DNAH12: variants seen among roughly 807,000 people sequenced by gnomAD.
DNAH12 encodes the protein dynein axonemal heavy chain 12.
A neutral mutation model predicts 371.5 loss-of-function variants in DNAH12; 285 were observed. The observed-to-expected ratio is 0.77, with a 90% CI of 0.70 to 0.85. The LOEUF (loss-of-function observed/expected upper bound fraction) is 0.85. Among genes scored for constraint, DNAH12 ranks in the 40% least tolerant of loss-of-function variants. The pLI is 0.00. For missense variants in DNAH12, 3,611 were observed against 3,689.4 expected (o/e 0.98, Z 0.55); for synonymous variants, 1,200 against 1,213.0 (o/e 0.99, Z 0.22).
At chr3:57,542,156 G>T (rs1176457802) in intron 2 of DNAH12, among the ~76,000 whole-genome samples, 9 of 7,440 alleles carry the variant, frequency 1.2e-3, no homozygotes, top group Non-Finnish European at 9.1e-3. Flanking sequence ...CCACTAAACT[G>T]GGGGGGGGGG....
intron 55 of DNAH12, among the ~76,000 whole-genome samples, chr3:57,373,442 C>T (rs1011388759): frequency 4.8e-4 from 72 of 151,246 alleles, no homozygotes; most frequent in African/African-American, 1.6e-3. Flanking sequence ...CAGCCTCCTG[C>T]GTAGCTGGAT....
chr3:57,439,613 T>C (rs1226485208), intron 29 of DNAH12, among the ~76,000 whole-genome samples: 1 of 152,184 alleles, frequency 6.6e-6, no homozygotes, highest in Non-Finnish European at 1.5e-5. Flanking sequence ...ATCACCATTC[T>C]GGACACTGGC....
At chr3:57,510,262 A>C (rs1028961949) in intron 5 of DNAH12, among the ~76,000 whole-genome samples, 7 of 152,196 alleles carry the variant, frequency 4.6e-5, no homozygotes, top group African/African-American at 1.7e-4. Flanking sequence ...AAAAAAATAC[A>C]AAAAGTACCC....
chr3:57,523,991 T>C, intron 2 of DNAH12, 107 bp from the exon 3 acceptor site: 1 of 691,250 alleles, frequency 1.4e-6, no homozygotes, highest in Admixed American at 3.9e-5. Context: ...TATTCAAGAG[T>C]TATCTTACTG....
rs1016827703 is a variant in DNAH12 at position 57,297,079 on chromosome 3, GC to G, written c.11395-96del. On this transcript the variant is annotated intron_variant, in intron 70 of 73. Transcript: ENST00000495027. ...CCTGATTCTGGTTTTTGCTTATGTTGCCCACATTTTCCATCACGAGGCCCTC... is the reference window on the plus strand; with the variant it reads ...CCTGATTCTGGTTTTTGCTTATGTTGCCACATTTTCCATCACGAGGCCCTC... The G allele has an allele frequency of 3.5e-5, 50 of 1,424,306 alleles. No individual in the cohort carries two copies. The African/African-American group carries it at 6.9e-4, about 20-fold the overall frequency. 88.2% of individuals were successfully genotyped at this position (1,424,306 alleles called of 1,614,324 possible).
intron 43 of DNAH12, 39 bp downstream of exon 43, chr3:57,403,270 T>A: frequency 6.6e-7 from 1 of 1,510,336 alleles, no homozygotes; most frequent in South Asian, 1.3e-5. Flanking sequence ...AAGAATATAC[T>A]GTTTTCATTT....
At chr3:57,417,194 G>A (rs563092427) in intron 37 of DNAH12, among the ~76,000 whole-genome samples, 1 of 99,510 alleles carries the variant, frequency 1.0e-5, no homozygotes, top group South Asian at 2.7e-4. Context: ...AGGTTGTGGT[G>A]AGCTGAGATT....
Position 57,341,318 on chromosome 3 carries a change from G to T in DNAH12, c.9675-6378C>A, listed in dbSNP as rs548259110. 2.6e-5 allele frequency among the ~76,000 whole-genome samples: 4 copies of T among 151,006 alleles called. No homozygotes were observed. The South Asian group carries it at 8.4e-4, about 32-fold the overall frequency. ...GAAAGAAGGAAGTCAAATTGTCCCT[G>T]TTTGTGGATGACATGATTTTATATA... On this transcript the variant is annotated intron_variant, in intron 60 of 73. Transcript: ENST00000495027.
intron 60 of DNAH12, among the ~76,000 whole-genome samples, chr3:57,345,979 G>C (rs1433717205): frequency 6.6e-6 from 1 of 152,050 alleles, no homozygotes. Flanking sequence ...TAAGTGGACT[G>C]CTGCAGTTGA....
In DNAH12 at chr3:57,407,107, C is replaced by G. The variant is rs560204649; in HGVS notation, c.6277-1155G>C. 2.6e-5 allele frequency among the ~76,000 whole-genome samples: 4 copies of G among 152,080 alleles called. No individual in the cohort carries two copies. The East Asian group carries it at 7.8e-4, about 29-fold the overall frequency. ...AGAGACAGGGTTTCACCATGTTGGC[C>G]AGGATGGTCTCAATCTCTTGACCTT... On this transcript the variant is annotated intron_variant, in intron 40 of 73. Transcript: ENST00000495027.
Position 57,309,797 on chromosome 3 carries a change from A to ATCTT in DNAH12, c.10953_10954insAAGA (p.Ser3652LysfsTer13). On this transcript the variant is annotated frameshift_variant, in exon 68 of 74. Coordinates refer to ENST00000495027, the MANE Select transcript of DNAH12 (RefSeq NM_001366028.2). LOFTEE classifies it high-confidence loss of function. ...GTTTTTGTTTGTTGAAGATCCTTGG[A>ATCTT]GATGTCAACGTTTTCATGTAATCCA... 1 of 1,551,448 alleles carries ATCTT rather than the reference A, an allele frequency of 6.4e-7. No homozygotes were observed. Among genetic ancestry groups the ATCTT allele is most frequent in the South Asian group, 1.2e-5 (1 of 84,020 alleles).
Position 57,515,621 on chromosome 3 carries a change from T to A in DNAH12, c.280-4642A>T, listed in dbSNP as rs140348325. Among the ~76,000 whole-genome samples the A allele has an allele frequency of 2.6e-3, 394 of 151,834 alleles. 2 individuals carry two copies. Among genetic ancestry groups the A allele is most frequent in the African/African-American group, 8.6e-3 (357 of 41,452 alleles). ...CAAAACCCCATCTCTACAAAATAATTATTATTAATAATAATAATACATTAT... is the reference window on the plus strand; with the variant it reads ...CAAAACCCCATCTCTACAAAATAATAATTATTAATAATAATAATACATTAT... On this transcript the variant is annotated intron_variant, in intron 4 of 73. Coordinates refer to ENST00000495027, the MANE Select transcript of DNAH12 (RefSeq NM_001366028.2).
At chr3:57,547,424 C>G (rs2069588920), upstream of DNAH12, among the ~76,000 whole-genome samples, 1 of 151,878 alleles carries the variant, frequency 6.6e-6, no homozygotes, top group Non-Finnish European at 1.5e-5. Context: ...TCTAGATGTG[C>G]TAGGATTACA....
chr3:57,370,426 A>G (rs1182336981), intron 55 of DNAH12, among the ~76,000 whole-genome samples: 2 of 152,238 alleles, frequency 1.3e-5, no homozygotes, highest in Non-Finnish European at 2.9e-5. Context: ...CAAGGCATTG[A>G]GAGGTCAAAT....
chr3:57,324,643 C>T (rs997351064), intron 62 of DNAH12, among the ~76,000 whole-genome samples: 16 of 152,122 alleles, frequency 1.1e-4, no homozygotes, highest in African/African-American at 1.9e-4. Flanking sequence ...GCGTGAGCCA[C>T]GCAGAAGAGG....
chr3:57,402,522 T>C (rs2063902241), intron 43 of DNAH12: 3 of 994,534 alleles, frequency 3.0e-6, no homozygotes, highest in Admixed American at 5.0e-5. Context: ...AACCATTTAT[T>C]TATCTGAAAT....
intron 13 of DNAH12, among the ~76,000 whole-genome samples, chr3:57,473,373 G>A (rs1006722413): frequency 6.6e-6 from 1 of 152,054 alleles, no homozygotes; most frequent in Non-Finnish European, 1.5e-5. Flanking sequence ...TGTAGTCCCA[G>A]CTACTTGGAG....
chr3:57,294,318 A>T (rs1468094969), intron 73 of DNAH12, among the ~76,000 whole-genome samples: 1 of 151,988 alleles, frequency 6.6e-6, no homozygotes, highest in Non-Finnish European at 1.5e-5. Context: ...GTGGGACTAC[A>T]GGTGCCTGCC....
chr3:57,530,954 T>A (rs2068823609), intron 2 of DNAH12: 1 of 155,966 alleles, frequency 6.4e-6, no homozygotes. Flanking sequence ...GTGCCAGTTG[T>A]CACGAGAGCC....
Sources: gnomAD v4.1 joint callset for allele counts (sites outside exome capture counted in the v4.1 genomes callset) on GRCh38, gnomAD v4.1.1 for gene constraint, MANE v1.5 for transcripts, NCBI Gene and HGNC (gene_info 2026-07-23, HGNC 2026-07-21) for gene names.